CLEC2B: variants seen among roughly 807,000 people sequenced by gnomAD.
The protein encoded by CLEC2B is C-type lectin domain family 2 member B, also known as C-type (calcium dependent, carbohydrate-recognition domain) lectin, superfamily member 2 (activation-induced).
Under a neutral mutation model 16.2 loss-of-function variants are expected in CLEC2B, and 14 were observed. The observed-to-expected ratio is 0.86, with a 90% CI of 0.57 to 1.35. The LOEUF (loss-of-function observed/expected upper bound fraction) is 1.35, where lower values mean the gene tolerates loss of function less well. Among genes scored for constraint, CLEC2B ranks in the 40% most tolerant of loss-of-function variants. The probability of loss-of-function intolerance (pLI) is 0.00; values close to 1 mark genes in which losing one functional copy is unlikely to be tolerated. For synonymous variants in CLEC2B, 42 were observed against 55.8 expected (o/e 0.75, Z 1.10); for missense variants, 166 against 182.3 (o/e 0.91, Z 0.52).
chr12:9,852,553 T>C lies in CLEC2B; in HGVS notation c.*747A>G, dbSNP rs1867853906. Among the ~76,000 whole-genome samples the C allele has an allele frequency of 6.6e-6, 1 of 152,142 alleles. No individual in the cohort carries two copies. The highest frequency in any genetic ancestry group is 2.4e-5 in the African/African-American group (1 of 41,412). Reference sequence around the variant, plus strand: ...TTTAGCAACTAGGTTTGTAGAGAATTATATTTTGAAGCAATGCTGTGTGCC... The same window carrying C: ...TTTAGCAACTAGGTTTGTAGAGAATCATATTTTGAAGCAATGCTGTGTGCC... On this transcript the variant is annotated 3_prime_UTR_variant, in exon 5 of 5. Coordinates refer to ENST00000228438, the MANE Select transcript of CLEC2B (RefSeq NM_005127.3).
At position 9,854,456 on chromosome 12, in the gene CLEC2B, G is replaced by A; in HGVS notation, c.266C>T (p.Ser89Phe). 1.2e-6 allele frequency: 2 copies of A among 1,613,132 alleles called. No homozygotes were observed. The highest frequency in any genetic ancestry group is 1.7e-6 in the Non-Finnish European group (2 of 1,179,206). ...MNFLRRYKCS[S>F]DHWIGLKMAK... ...CATCTTCAGTCCAATCCAGTGATCA[G>A]AACTGCATTTATACCGCCTAAGAAA... The change falls in exon 4 of 5, where the codon TCT becomes TTT. Residue 89 changes from serine (S) to phenylalanine (F), a missense_variant. Physicochemically the swap from Ser to Phe is radical, Grantham distance 155. Transcript: ENST00000228438.
intron 3 of CLEC2B, 160 bp downstream of exon 3, chr12:9,857,314 T>G (rs754443251): frequency 6.6e-6 from 4 of 603,360 alleles, no homozygotes; most frequent in Non-Finnish European, 1.2e-5. Flanking sequence ...AAAGCATCAC[T>G]AGGTGTTTCA....
chr12:9,861,448 T>C (rs1042968532), intron 2 of CLEC2B, among the ~76,000 whole-genome samples: 5 of 152,122 alleles, frequency 3.3e-5, no homozygotes, highest in African/African-American at 7.2e-5. Flanking sequence ...CATGGAGCAA[T>C]TGGAATTCTC....
chr12:9,854,343 A>C, intron 4 of CLEC2B, 38 bp downstream of exon 4: 2 of 1,375,500 alleles, frequency 1.5e-6, no homozygotes, highest in East Asian at 2.3e-5. Flanking sequence ...AGGCTGCACT[A>C]TCTAAATTTA....
At chr12:9,856,144 A>T (rs1867893245) in intron 3 of CLEC2B, among the ~76,000 whole-genome samples, 1 of 152,116 alleles carries the variant, frequency 6.6e-6, no homozygotes, top group African/African-American at 2.4e-5. Context: ...ACATTCCATG[A>T]TCCTCACTAT....
chr12:9,857,482 C>T lies in CLEC2B; in HGVS notation c.229G>A (p.Glu77Lys). 6.2e-7 allele frequency: 1 copy of T among 1,605,758 alleles called. No homozygotes were observed. Among genetic ancestry groups the T allele is most frequent in the Non-Finnish European group, 8.5e-7 (1 of 1,173,832 alleles). The change falls in exon 3 of 5, where the codon GAA (glutamate) becomes AAA (lysine). Residue 77 changes from glutamate (E) to lysine (K), a missense_variant. By Grantham distance (56) the Glu-to-Lys change is moderately conservative. Transcript: ENST00000228438. ...TATATTAAATTACTTACCATTTCTT[C>T]TATGTTGTCAATTATAGTTAGGTCG... ...HADLTIIDNI[E>K]EMNFLRRYKC...
chr12:9,864,126 C>T (rs1407203786), intron 1 of CLEC2B, among the ~76,000 whole-genome samples: 1 of 145,478 alleles, frequency 6.9e-6, no homozygotes, highest in Non-Finnish European at 1.5e-5. Flanking sequence ...GGAAACCATA[C>T]AGACCAAGAG....
intron 3 of CLEC2B, among the ~76,000 whole-genome samples, chr12:9,855,461 T>C (rs1036011236): frequency 6.6e-6 from 1 of 152,090 alleles, no homozygotes; most frequent in Admixed American, 6.6e-5. Flanking sequence ...TTAGAAAATA[T>C]TCTACTAGAC....
intron 1 of CLEC2B, among the ~76,000 whole-genome samples, chr12:9,862,891 G>A (rs892759491): frequency 1.3e-5 from 2 of 152,134 alleles, no homozygotes; most frequent in African/African-American, 2.4e-5. Flanking sequence ...AGATCAAGAT[G>A]GATAACCAGC....
chr12:9,868,704 T>G (rs1867990614), intron 1 of CLEC2B, among the ~76,000 whole-genome samples: 1 of 152,120 alleles, frequency 6.6e-6, no homozygotes, highest in Non-Finnish European at 1.5e-5. Flanking sequence ...CTTCTTAGGG[T>G]TGGTAAAGAC....
At chr12:9,867,930 C>T (rs866792116) in intron 1 of CLEC2B, among the ~76,000 whole-genome samples, 28 of 151,862 alleles carry the variant, frequency 1.8e-4, no homozygotes, top group African/African-American at 6.5e-4. Flanking sequence ...TATTATTTTT[C>T]TTGGCTAATA....
rs1867861395 is a variant in CLEC2B, at chr12:9,853,087, G to GAAAGAAAGAGAGAA, written c.*212_*213insTTCTCTCTTTCTTT. On this transcript the variant is annotated 3_prime_UTR_variant, in exon 5 of 5. Transcript: ENST00000228438. The stretch of plus-strand genomic sequence containing the variant: ...AAAGAAAGAAAGAAAGAAAGAAAGA[G>GAAAGAAAGAGAGAA]AGAGAGAGAAAGAAAGAAAGAAAAA... The GAAAGAAAGAGAGAA allele has an allele frequency of 8.7e-6, 3 of 345,556 alleles. No homozygotes were observed. In the Admixed American group the frequency reaches 1.4e-4, roughly 16 times the overall value. 21.4% of individuals were successfully genotyped at this position (345,556 alleles called of 1,614,324 possible). A position where few individuals can be genotyped will look rare whatever the true frequency, so the allele number is the denominator to read the frequency against.
chr12:9,868,828 A>C (rs1867992131), intron 1 of CLEC2B, among the ~76,000 whole-genome samples: 1 of 152,152 alleles, frequency 6.6e-6, no homozygotes, highest in Admixed American at 6.5e-5. Flanking sequence ...CCAATAAAGC[A>C]ATCTTTAAAA....
At chr12:9,861,608 A>G (rs919347946) in intron 2 of CLEC2B, among the ~76,000 whole-genome samples, 36 of 151,978 alleles carry the variant, frequency 2.4e-4, no homozygotes, top group Admixed American at 1.2e-3. Context: ...GTTGTTCACA[A>G]CCACCCAATT....
intron 1 of CLEC2B, among the ~76,000 whole-genome samples, chr12:9,863,824 T>A (rs1391087499): frequency 1.3e-5 from 2 of 152,074 alleles, no homozygotes; most frequent in South Asian, 2.1e-4. Context: ...AAAGACCATA[T>A]CTAAGAATTA....
chr12:9,853,438 T>A (rs757328847), intron 4 of CLEC2B, 30 bp from the exon 5 acceptor site: 1 of 1,564,326 alleles, frequency 6.4e-7, no homozygotes, highest in Admixed American at 1.7e-5. Context: ...CATTATGTAG[T>A]CATGTGATTT....
At chr12:9,854,680 T>G in intron 3 of CLEC2B, 196 bp from the exon 4 acceptor site, 1 of 523,866 alleles carries the variant, frequency 1.9e-6, no homozygotes, top group Non-Finnish European at 3.4e-6. Flanking sequence ...GAAACAAATA[T>G]GTTAGATACA....
chr12:9,857,202 A>G (rs1867899926), intron 3 of CLEC2B: 2 of 247,894 alleles, frequency 8.1e-6, no homozygotes, highest in African/African-American at 4.5e-5. Context: ...ATTGGCTCTT[A>G]AAACGTTTTC....
chr12:9,862,654 C>A, intron 1 of CLEC2B, 81 bp from the exon 2 acceptor site: 1 of 1,210,428 alleles, frequency 8.3e-7, no homozygotes, highest in Non-Finnish European at 1.1e-6. Flanking sequence ...TTAATGTCCC[C>A]CACAGAAAAC....
Sources: gnomAD v4.1 joint callset for allele counts (sites outside exome capture counted in the v4.1 genomes callset) on GRCh38, gnomAD v4.1.1 for gene constraint, MANE v1.5 for transcripts, NCBI Gene and HGNC (gene_info 2026-07-23, HGNC 2026-07-21) for gene names.